The following ITGA9 variants were observed in gnomAD, a reference collection of about 807,000 sequenced individuals.
The protein encoded by ITGA9 is integrin alpha-9.
Under a neutral mutation model 127.8 loss-of-function variants are expected in ITGA9, and 56 were observed. The ratio of observed to expected loss-of-function variants is 0.44; its 90% confidence interval spans 0.35 to 0.55. The LOEUF (loss-of-function observed/expected upper bound fraction) is 0.55. ITGA9 is among the 20% of genes least tolerant of loss of function. ITGA9 has a pLI of 0.00. For synonymous variants in ITGA9, 508 were observed against 514.5 expected, an observed-to-expected ratio of 0.99 and a Z score of 0.17; for missense variants, 1,196 against 1,347.1, an observed-to-expected ratio of 0.89 and a Z score of 1.76.
intron 15 of ITGA9, among the ~76,000 whole-genome samples, chr3:37,617,881 T>G (rs1376437138): frequency 6.6e-6 from 1 of 152,146 alleles, no homozygotes; most frequent in Non-Finnish European, 1.5e-5. Context: ...TTTTCAAGGT[T>G]TTTAACTTCT....
intron 15 of ITGA9, among the ~76,000 whole-genome samples, chr3:37,567,286 A>G (rs1449310728): frequency 1.3e-5 from 2 of 152,186 alleles, no homozygotes; most frequent in Non-Finnish European, 2.9e-5. Context: ...CTTACTCACT[A>G]TCATGAGAAC....
chr3:37,484,327 A>G (rs1698587633), intron 4 of ITGA9, among the ~76,000 whole-genome samples: 1 of 152,090 alleles, frequency 6.6e-6, no homozygotes, highest in Non-Finnish European at 1.5e-5. Flanking sequence ...TTTTTCTAGA[A>G]GACTGGACTG....
In ITGA9 at chr3:37,799,135, C is replaced by T. The variant is rs1414554916; in HGVS notation, c.2890-4688C>T. Reference sequence around the variant, plus strand: ...TTTCCTTTGAGTAAGTTTTCAAGTACTGAATTAATGGATCAAAGGGTATGA... The same window carrying T: ...TTTCCTTTGAGTAAGTTTTCAAGTATTGAATTAATGGATCAAAGGGTATGA... On this transcript the variant is annotated intron_variant, in intron 26 of 27. Transcript: ENST00000264741. The surrounding 1 kb of genome is among the most constrained non-coding windows in gnomAD (Gnocchi z 4.0). Among the ~76,000 whole-genome samples, 1 of 152,120 alleles carries T rather than the reference C, an allele frequency of 6.6e-6. No homozygotes were observed. Among genetic ancestry groups the T allele is most frequent in the Non-Finnish European group, 1.5e-5 (1 of 68,020 alleles).
At chr3:37,521,192 A>T (rs17036527) in intron 11 of ITGA9, among the ~76,000 whole-genome samples, 6,908 of 152,304 alleles carry the variant, frequency 0.045, 441 homozygotes, top group African/African-American at 0.15. Context: ...ATAAGGGCAG[A>T]GATTTAAAAG....
At chr3:37,565,715 T>C (rs1362988625) in intron 15 of ITGA9, among the ~76,000 whole-genome samples, 2 of 152,196 alleles carry the variant, frequency 1.3e-5, no homozygotes, top group Admixed American at 6.5e-5. Context: ...CCCTGCCCCA[T>C]CACAAATAGA....
intron 17 of ITGA9, among the ~76,000 whole-genome samples, chr3:37,666,648 C>T (rs1016248093): frequency 6.6e-6 from 1 of 152,202 alleles, no homozygotes; most frequent in African/African-American, 2.4e-5. Context: ...CACTAGACCT[C>T]ATGAGGCCTA....
At chr3:37,686,075 C>G (rs937340998) in intron 18 of ITGA9, among the ~76,000 whole-genome samples, 5 of 152,094 alleles carry the variant, frequency 3.3e-5, no homozygotes, top group Non-Finnish European at 5.9e-5. Flanking sequence ...AGATTAGTAC[C>G]AGTAAATGAT....
chr3:37,703,360 T>G (rs954566282), intron 18 of ITGA9, among the ~76,000 whole-genome samples: 6 of 152,222 alleles, frequency 3.9e-5, no homozygotes, highest in African/African-American at 1.4e-4. Context: ...AAATCTGAAG[T>G]TTTTGATCAA....
At chr3:37,510,008 T>G (rs1698885091) in intron 8 of ITGA9, among the ~76,000 whole-genome samples, 1 of 147,906 alleles carries the variant, frequency 6.8e-6, no homozygotes, top group South Asian at 2.1e-4. Flanking sequence ...TTTGAAAGCC[T>G]AAAGGTAAAG....
intron 15 of ITGA9, among the ~76,000 whole-genome samples, chr3:37,614,941 A>T (rs1700059456): frequency 6.6e-6 from 1 of 152,130 alleles, no homozygotes; most frequent in South Asian, 2.1e-4. Context: ...TCTTTTCCTA[A>T]TTGAATACCC....
chr3:37,463,374 C>G (rs197722), intron 1 of ITGA9, among the ~76,000 whole-genome samples: 130,569 of 152,168 alleles, frequency 0.86, 56,598 homozygotes, highest in African/African-American at 0.96. Flanking sequence ...TCTGTTCTCT[C>G]CAGGACTCAC....
chr3:37,719,976 G>T (rs1342461930), intron 18 of ITGA9, among the ~76,000 whole-genome samples: 1 of 152,200 alleles, frequency 6.6e-6, no homozygotes. Flanking sequence ...CATGAGGAAG[G>T]TGGTCTTCGT....
intron 4 of ITGA9, among the ~76,000 whole-genome samples, chr3:37,487,218 C>T (rs1335563096): frequency 2.7e-5 from 4 of 146,182 alleles, no homozygotes; most frequent in African/African-American, 7.6e-5. Context: ...TTCCAAGGAG[C>T]TTTAATAAAC....
At chr3:37,687,913 G>A (rs7630135) in intron 18 of ITGA9, among the ~76,000 whole-genome samples, 65,164 of 152,026 alleles carry the variant, frequency 0.43, 14,509 homozygotes, top group South Asian at 0.57. Context: ...ACAGGAAGGC[G>A]TGCATTTATA....
intron 3 of ITGA9, among the ~76,000 whole-genome samples, chr3:37,481,160 C>T (rs1038738876): frequency 2.6e-5 from 4 of 152,200 alleles, no homozygotes; most frequent in Non-Finnish European, 4.4e-5. Flanking sequence ...TTCAGGCCTT[C>T]CCGACCTCTG....
rs541396618 is a variant in ITGA9 at position 37,546,619 on chromosome 3, G to A, written c.1689+4034G>A. Among the ~76,000 whole-genome samples, 8 of 152,330 alleles carry A rather than the reference G, an allele frequency of 5.3e-5. No individual in the cohort carries two copies. The East Asian group carries it at 1.5e-3, about 29-fold the overall frequency. On this transcript the variant is annotated intron_variant, in intron 15 of 27. Coordinates refer to ENST00000264741, the MANE Select transcript of ITGA9 (RefSeq NM_002207.3). ...ACTGTCATCTTCCTGACTTCTTGGA[G>A]CTTGTTCCATGCTGCCTGACTCCTG... is the stretch of plus-strand genomic sequence containing the variant.
In ITGA9 at chr3:37,547,970, C is replaced by T. The variant is rs191805022; in HGVS notation, c.1689+5385C>T. 3.2e-4 allele frequency among the ~76,000 whole-genome samples: 48 copies of T among 152,212 alleles called. No individual in the cohort carries two copies. In the East Asian group the frequency reaches 4.3e-3, roughly 13 times the overall value. ...TAAATATAGAAATCTGTGTGTGTAC[C>T]TCCTTTTATTTTATGCAAATAGTAG... is the stretch of plus-strand genomic sequence containing the variant. On this transcript the variant is annotated intron_variant, in intron 15 of 27. Transcript: ENST00000264741.
At chr3:37,771,660 C>T (rs1332268251) in intron 23 of ITGA9, among the ~76,000 whole-genome samples, 1 of 152,166 alleles carries the variant, frequency 6.6e-6, no homozygotes, top group African/African-American at 2.4e-5. Flanking sequence ...CAGCTGAGGC[C>T]ACAAGGACTG....
chr3:37,462,757 C>T (rs963994812), intron 1 of ITGA9, among the ~76,000 whole-genome samples: 6 of 152,226 alleles, frequency 3.9e-5, no homozygotes, highest in African/African-American at 9.6e-5. Flanking sequence ...AGATAAAATA[C>T]CATAATCTAC....
Sources: gnomAD v4.1 joint callset for allele counts (sites outside exome capture counted in the v4.1 genomes callset) on GRCh38, gnomAD v4.1.1 for gene constraint, Gnocchi (gnomAD v3.1) non-coding constraint, MANE v1.5 for transcripts, NCBI Gene and HGNC (gene_info 2026-07-23, HGNC 2026-07-21) for gene names.